The following LIMCH1 variants were observed in gnomAD, a reference collection of about 807,000 sequenced individuals.
The protein encoded by LIMCH1 is LIM and calponin homology domains 1, also known as LIM and calponin homology domains-containing protein 1.
A neutral mutation model predicts 176.5 loss-of-function variants in LIMCH1; 113 were observed. The observed-to-expected ratio is 0.64, with a 90% CI of 0.55 to 0.75. The LOEUF (loss-of-function observed/expected upper bound fraction) is 0.75. Among genes scored for constraint, LIMCH1 ranks in the 30% least tolerant of loss-of-function variants. The probability of loss-of-function intolerance (pLI) is 0.00; values close to 1 mark genes in which losing one functional copy is unlikely to be tolerated. For missense variants in LIMCH1, 1,674 were observed against 1,814.9 expected, an observed-to-expected ratio of 0.92 and a Z score of 1.41; for synonymous variants, 619 against 645.9, an observed-to-expected ratio of 0.96 and a Z score of 0.63.
chr4:41,606,704 A>C (rs1462324867), intron 4 of LIMCH1, among the ~76,000 whole-genome samples: 1 of 152,154 alleles, frequency 6.6e-6, no homozygotes, highest in African/African-American at 2.4e-5. Flanking sequence ...AACTCATACA[A>C]ATGGCTAGTA....
At chr4:41,530,085 A>AGCTGGGTCTCTG (rs2077093863) in intron 3 of LIMCH1, among the ~76,000 whole-genome samples, 1 of 152,222 alleles carries the variant, frequency 6.6e-6, no homozygotes, top group Admixed American at 6.5e-5. Flanking sequence ...TATCTGCTTT[A>AGCTGGGTCTCTG]GTTTATGAAA....
At chr4:41,530,819 A>ATTTT (rs71650934) in intron 3 of LIMCH1, among the ~76,000 whole-genome samples, 2 of 84,730 alleles carry the variant, frequency 2.4e-5, no homozygotes, top group Non-Finnish European at 4.2e-5. Context: ...AAAAAAAAAA[A>ATTTT]TTTTTTTTTT....
chr4:41,475,608 G>C (rs899681417), intron 1 of LIMCH1, among the ~76,000 whole-genome samples: 1 of 152,018 alleles, frequency 6.6e-6, no homozygotes, highest in Non-Finnish European at 1.5e-5. Context: ...AACACCCTTA[G>C]TCCTAGGTCA....
rs541554348 is a variant in LIMCH1 at position 41,575,266 on chromosome 4, T to G, written c.-240-23654T>G. ...GATTGAGAAAGTGCTGTTTTACCTG[T>G]TAGCTCTGTATTATTTCATCAGGTA... On this transcript the variant is annotated intron_variant, in intron 1 of 31. Transcript: ENST00000503057. Among the ~76,000 whole-genome samples the G allele has an allele frequency of 2.0e-5, 3 of 152,390 alleles. No individual in the cohort carries two copies. The South Asian group carries it at 6.2e-4, about 32-fold the overall frequency.
At chr4:41,494,291 TTA>T (rs939425016) in intron 1 of LIMCH1, among the ~76,000 whole-genome samples, 73 of 149,060 alleles carry the variant, frequency 4.9e-4, no homozygotes, top group African/African-American at 1.8e-3. Context: ...TGAAAAAAAA[TTA>T]TATATATATA....
intron 30 of LIMCH1, 130 bp downstream of exon 30, chr4:41,689,765 G>A: frequency 1.7e-6 from 1 of 592,572 alleles, no homozygotes; most frequent in Non-Finnish European, 3.1e-6. Flanking sequence ...AGGTTGTATA[G>A]ACATTCCTTC....
chr4:41,445,395 T>C (rs1482722823), intron 1 of LIMCH1, among the ~76,000 whole-genome samples: 3 of 152,218 alleles, frequency 2.0e-5, no homozygotes. Flanking sequence ...GGTGGACTTT[T>C]ACCATTCTAT....
intron 1 of LIMCH1, among the ~76,000 whole-genome samples, chr4:41,555,741 T>C: frequency 6.6e-6 from 1 of 151,506 alleles, no homozygotes; most frequent in Non-Finnish European, 1.5e-5. Context: ...GACTGTAGAG[T>C]GTTATTTTAT....
chr4:41,585,444 T>C (rs899323170), intron 1 of LIMCH1, among the ~76,000 whole-genome samples: 7 of 152,246 alleles, frequency 4.6e-5, no homozygotes, highest in African/African-American at 1.7e-4. Flanking sequence ...TGTTTATCTG[T>C]TCATCTGCTG....
At chr4:41,470,825 C>T (rs531576232) in intron 1 of LIMCH1, among the ~76,000 whole-genome samples, 1 of 151,988 alleles carries the variant, frequency 6.6e-6, no homozygotes, top group African/African-American at 2.4e-5. Flanking sequence ...GGCCTCTGAC[C>T]GCATATTTCG....
At chr4:41,416,385 C>A (rs2059935570) in intron 1 of LIMCH1, among the ~76,000 whole-genome samples, 2 of 152,048 alleles carry the variant, frequency 1.3e-5, no homozygotes. Context: ...TTTTCTGTGG[C>A]TCACGCTTGT....
intron 1 of LIMCH1, among the ~76,000 whole-genome samples, chr4:41,382,750 T>C (rs1199183236): frequency 1.3e-5 from 2 of 152,226 alleles, no homozygotes. Context: ...GAAGTCTTTT[T>C]GGTAGTCTTC....
chr4:41,380,406 C>G (rs537582634), intron 1 of LIMCH1, among the ~76,000 whole-genome samples: 2 of 152,048 alleles, frequency 1.3e-5, no homozygotes, highest in Non-Finnish European at 2.9e-5. Flanking sequence ...CCTGGCCTCC[C>G]AAAGTGCTGG....
chr4:41,596,455 T>C (rs548724548), intron 1 of LIMCH1, among the ~76,000 whole-genome samples: 2 of 152,246 alleles, frequency 1.3e-5, no homozygotes, highest in South Asian at 4.1e-4. Flanking sequence ...GATAACAAAG[T>C]TAACTAGAAA....
rs1458418874 is a variant in LIMCH1 at position 41,699,013 on chromosome 4, A to C, written c.*1828A>C. The C allele has an allele frequency of 1.3e-5, 2 of 152,386 alleles. No homozygotes were observed. The highest frequency in any genetic ancestry group is 4.8e-5 in the African/African-American group (2 of 41,468). 9.4% of individuals were successfully genotyped at this position (152,386 alleles called of 1,614,324 possible). On this transcript the variant is annotated 3_prime_UTR_variant, in exon 32 of 32. Transcript: ENST00000503057. ...AAAAAGAAAAAAAGAAAAAATTAAAAAGAAAAATTGTTTTGAAAATGTACA... is the reference window on the plus strand; with the variant it reads ...AAAAAGAAAAAAAGAAAAAATTAAACAGAAAAATTGTTTTGAAAATGTACA...
In LIMCH1 at chr4:41,650,595, C is replaced by G. The variant is rs558410027; in HGVS notation, c.3023C>G (p.Pro1008Arg). 1.2e-6 allele frequency: 2 copies of G among 1,613,194 alleles called. 1 individual carries two copies. The highest frequency in any genetic ancestry group is 2.2e-5 in the South Asian group (2 of 90,890). The change falls in exon 18 of 32, where the codon CCC becomes CGC. Residue 1008 changes from proline (P) to arginine (R), a missense_variant. Pro to Arg is a moderately radical substitution (Grantham distance 103, BLOSUM62 -2). Coordinates refer to ENST00000503057, the MANE Select transcript of LIMCH1 (RefSeq NM_001330672.2). ...AACATAAAGAAGCCAAACTCTGTTC[C>G]CCAAGAGCTCGCAGTAAGAACCAAA... The part of the protein sequence containing the change: ...EINIKKPNSV[P>R]QELAATTEKT...
intron 1 of LIMCH1, among the ~76,000 whole-genome samples, chr4:41,483,799 C>G (rs570937766): frequency 6.6e-6 from 1 of 152,206 alleles, no homozygotes; most frequent in Non-Finnish European, 1.5e-5. Flanking sequence ...AAATGTCAGC[C>G]GCTCAAGGGC....
chr4:41,631,460 T>C lies in LIMCH1; in HGVS notation c.1584T>C (p.Asn528=). The change falls in exon 10 of 32, where the codon AAT becomes AAC. Residue 528 remains asparagine, a synonymous_variant. Transcript: ENST00000503057. ...GCTTAAAGGGCCACCAAATATTTAA[T>C]CGACAAAATGACTGCAGGTATTTTT... ...TSSLKGHQIF[N]RQNDCRTMNC... is the part of the protein sequence containing the mutation. The C allele has an allele frequency of 6.6e-7, 1 of 1,515,764 alleles. No individual in the cohort carries two copies. Among genetic ancestry groups the C allele is most frequent in the Non-Finnish European group, 8.8e-7 (1 of 1,137,504 alleles). The allele number at this position is 1,515,764 out of a possible 1,614,324, so 93.9% of individuals were successfully genotyped here.
At chr4:41,588,305 A>G (rs188950751) in intron 1 of LIMCH1, among the ~76,000 whole-genome samples, 6 of 152,316 alleles carry the variant, frequency 3.9e-5, no homozygotes, top group Admixed American at 2.0e-4. Flanking sequence ...TTGGGGGCTA[A>G]TGACATCTGT....
Sources: allele counts gnomAD v4.1 joint callset (sites outside exome capture counted in the v4.1 genomes callset), GRCh38; gene constraint gnomAD v4.1.1; transcripts MANE v1.5; gene names NCBI Gene and HGNC (gene_info 2026-07-23, HGNC 2026-07-21).